The following KIF12 variants were observed in gnomAD, a reference collection of about 807,000 sequenced individuals.
The protein encoded by KIF12 is kinesin family member 12.
Under a neutral mutation model 87.9 loss-of-function variants are expected in KIF12, and 80 were observed. That is an observed-to-expected ratio of 0.91 (90% CI 0.76 to 1.10). The LOEUF (loss-of-function observed/expected upper bound fraction) is 1.10, where lower values mean the gene tolerates loss of function less well. Among genes scored for constraint, KIF12 ranks in the 50% least tolerant of loss-of-function variants. KIF12 has a pLI of 0.00. For missense variants in KIF12, 819 were observed against 865.3 expected, an observed-to-expected ratio of 0.95 and a Z score of 0.67; for synonymous variants, 353 against 348.5, an observed-to-expected ratio of 1.01 and a Z score of -0.14.
At chr9:114,095,619 G>A (rs965746655) in intron 9 of KIF12, among the ~76,000 whole-genome samples, 1 of 152,128 alleles carries the variant, frequency 6.6e-6, no homozygotes, top group African/African-American at 2.4e-5. Context: ...GGAGTTTCGC[G>A]GGCATCTCAC....
chr9:114,098,326 C>G lies in KIF12; in HGVS notation c.275G>C (p.Arg92Pro). The G allele has an allele frequency of 6.8e-7, 1 of 1,470,252 alleles. No homozygotes were observed. The highest frequency in any genetic ancestry group is 2.7e-5 in the Admixed American group (1 of 37,302). 91.1% of individuals were successfully genotyped at this position (1,470,252 alleles called of 1,614,324 possible). Residue 92 changes from arginine (R) to proline (P), a missense_variant, in exon 4 of 19, where the codon CGC becomes CCC. Coordinates refer to ENST00000640217, the MANE Select transcript of KIF12 (RefSeq NM_001388308.1). ...EDVFRACGVR[R>P]LGELALRGFS... ...CCCGCGCAGCGCCAGCTCCCCCAGG[C>G]GCCGCACGCCGCACGCCCGGAACAC...
rs1456903720 is a variant in KIF12 at position 114,099,198 on chromosome 9, C to G, written c.27-29G>C. 7 of 1,550,958 alleles carry G rather than the reference C, an allele frequency of 4.5e-6. No homozygotes were observed. The African/African-American group carries it at 9.6e-5, about 21-fold the overall frequency. The stretch of plus-strand genomic sequence containing the variant: ...TGGGCAGCAATGCGACTTATCATAC[C>G]TGCACCTAGCGGCTGTTCAGGACTC... On this transcript the variant is annotated intron_variant, in intron 1 of 18. Coordinates refer to ENST00000640217, the MANE Select transcript of KIF12 (RefSeq NM_001388308.1).
intron 11 of KIF12, 123 bp from the exon 12 acceptor site, chr9:114,094,578 G>C: frequency 1.6e-6 from 1 of 635,324 alleles, no homozygotes; most frequent in Non-Finnish European, 2.8e-6. Context: ...CGTCAGCCTT[G>C]CATCTTGGCA....
chr9:114,099,123 G>A lies in KIF12; in HGVS notation c.73C>T (p.Pro25Ser), dbSNP rs866722975. The A allele has an allele frequency of 1.3e-6, 2 of 1,550,566 alleles. No homozygotes were observed. The highest frequency in any genetic ancestry group is 1.7e-6 in the Non-Finnish European group (2 of 1,146,972). Reference protein sequence around the residue: ...LEQGPEGPETPIQVVLRVRPM... With the variant: ...LEQGPEGPETSIQVVLRVRPM... ...ACCCACCTGAGCACCACCTGGATGG[G>A]CGTTTCCGGCCCCTCTGGCCCTTGC... Residue 25 changes from proline to serine, a missense_variant, in exon 2 of 19, where the codon CCC (proline) becomes TCC (serine). Coordinates refer to ENST00000640217, the MANE Select transcript of KIF12 (RefSeq NM_001388308.1).
At position 114,091,936 on chromosome 9, in the gene KIF12, G is replaced by A; in HGVS notation, c.1881C>T (p.Ser627=). The part of the protein sequence containing the change: ...LEALRDQIGS[S]LRRGRSQPPC... ...GTGGCTGGCTGCGGCCACGTCGCAG[G>A]GAGCTGCCAATCTGGTCTCTGAGGG... The change falls in exon 19 of 19, where the codon TCC becomes TCT. Residue 627 remains serine (S), a synonymous_variant. Transcript: ENST00000640217. 5 of 1,612,626 alleles carry A rather than the reference G, an allele frequency of 3.1e-6. No homozygotes were observed. The South Asian group carries it at 5.5e-5, about 18-fold the overall frequency.
intron 5 of KIF12, 89 bp from the exon 6 acceptor site, chr9:114,097,830 T>A: frequency 7.1e-7 from 1 of 1,418,302 alleles, no homozygotes; most frequent in Middle Eastern, 2.5e-4. Flanking sequence ...CCGGGAAACG[T>A]GCCAAGTTCC....
Position 114,092,548 on chromosome 9 carries a change from CTT to C in KIF12, c.1689_1690del (p.Arg566GlufsTer4). Reference sequence around the variant, plus strand: ...TGCCCCAGGAGAGACCCACCTCTCTCTTGGGCACTTGGCAGAGCCAGGGCTGC... The same window carrying C: ...TGCCCCAGGAGAGACCCACCTCTCTCGGGCACTTGGCAGAGCCAGGGCTGC... On this transcript the variant is annotated frameshift_variant, in exon 17 of 19. Transcript: ENST00000640217. LOFTEE classifies it high-confidence loss of function. 4 of 1,612,272 alleles carry C rather than the reference CTT, an allele frequency of 2.5e-6. No homozygotes were observed. Among genetic ancestry groups the C allele is most frequent in the Non-Finnish European group, 3.4e-6 (4 of 1,179,680 alleles).
chr9:114,097,582 C>T (rs1471765258), intron 6 of KIF12, 25 bp downstream of exon 6: 1 of 1,613,176 alleles, frequency 6.2e-7, no homozygotes, highest in Non-Finnish European at 8.5e-7. Context: ...CATGGGCTGT[C>T]TTTCTATTCC....
intron 16 of KIF12, 77 bp downstream of exon 16, chr9:114,093,152 G>T: frequency 7.5e-7 from 1 of 1,328,876 alleles, no homozygotes; most frequent in Non-Finnish European, 1.1e-6. Flanking sequence ...AATCCCTGGG[G>T]CTCTGGATTG....
Position 114,095,039 on chromosome 9 carries a change from C to G in KIF12, c.1103G>C (p.Arg368Pro). 1 of 1,599,630 alleles carries G rather than the reference C, an allele frequency of 6.3e-7. No homozygotes were observed. The highest frequency in any genetic ancestry group is 8.5e-7 in the Non-Finnish European group (1 of 1,172,794). Reference sequence around the variant, plus strand: ...TATACTCACCTTGGGGGCCTGTGGTCGGGTGGTGACCCGCTGAGCTCGGCT... The same window carrying G: ...TATACTCACCTTGGGGGCCTGTGGTGGGGTGGTGACCCGCTGAGCTCGGCT... ...YASRAQRVTT[R>P]PQAPKSPVAK... The change falls in exon 11 of 19, where the codon CGA becomes CCA. Residue 368 changes from arginine (R) to proline (P), a missense_variant. By Grantham distance (103) the Arg-to-Pro change is moderately radical. Transcript: ENST00000640217.
intron 7 of KIF12, 133 bp downstream of exon 7, chr9:114,097,168 A>T: frequency 8.3e-7 from 1 of 1,200,004 alleles, no homozygotes; most frequent in Non-Finnish European, 1.1e-6. Context: ...ATTGTGGTTT[A>T]CTGGTCCTTC....
At chr9:114,094,933 G>A in intron 11 of KIF12, 90 bp downstream of exon 11, 2 of 1,170,408 alleles carry the variant, frequency 1.7e-6, no homozygotes, top group Non-Finnish European at 2.4e-6. Context: ...CCCAGTCCAA[G>A]ACTTCAATCA....
chr9:114,097,570 C>T, intron 6 of KIF12, 37 bp downstream of exon 6: 1 of 1,612,328 alleles, frequency 6.2e-7, no homozygotes, highest in South Asian at 1.1e-5. Context: ...GCTCCGTTTC[C>T]TCATGGGCTG....
Position 114,099,241 on chromosome 9 carries a change from A to T in KIF12, c.26+10T>A, listed in dbSNP as rs947950763. 5.2e-6 allele frequency: 8 copies of T among 1,550,900 alleles called. No individual in the cohort carries two copies. The highest frequency in any genetic ancestry group is 1.4e-5 in the African/African-American group (1 of 73,008). ...CAGGACTCCTCGAACCTGTCTGAAG[A>T]TCTGCTTACCCGTCGGGTGACCCGC... On this transcript the variant is annotated intron_variant, in intron 1 of 18. Transcript: ENST00000640217.
rs758491443 is a variant in KIF12 at position 114,096,221 on chromosome 9, G to C, written c.739-14C>G. 1 of 1,613,422 alleles carries C rather than the reference G, an allele frequency of 6.2e-7. No homozygotes were observed. The highest frequency in any genetic ancestry group is 1.3e-5 in the African/African-American group (1 of 75,066). ...CATCTGCTGGGCCTGAGGGATCAGAGCTTCATGGGGACTTGGGAGGGACCG... is the reference window on the plus strand; with the variant it reads ...CATCTGCTGGGCCTGAGGGATCAGACCTTCATGGGGACTTGGGAGGGACCG... On this transcript the variant is annotated splice_polypyrimidine_tract_variant and intron_variant, in intron 8 of 18. Transcript: ENST00000640217.
In KIF12 at chr9:114,093,390, T is replaced by C. The variant is rs754734039; in HGVS notation, c.1491+17A>G. The C allele has an allele frequency of 6.4e-7, 1 of 1,559,540 alleles. No homozygotes were observed. Among genetic ancestry groups the C allele is most frequent in the South Asian group, 1.2e-5 (1 of 84,356 alleles). On this transcript the variant is annotated intron_variant, in intron 15 of 18. Transcript: ENST00000640217. ...ATCCCTACTTGTCACCCCTCCAGGC[T>C]GGGCCGTGAGACTCACATGGCAAGG...
chr9:114,092,151 A>G, intron 18 of KIF12, 151 bp from the exon 19 acceptor site: 1 of 1,440,510 alleles, frequency 6.9e-7, no homozygotes, highest in East Asian at 2.5e-5. Flanking sequence ...GGGCTCCAAC[A>G]TACATCTGGG....
intron 18 of KIF12, 135 bp from the exon 19 acceptor site, chr9:114,092,135 C>T: frequency 2.1e-6 from 2 of 956,316 alleles, no homozygotes; most frequent in Non-Finnish European, 3.0e-6. Flanking sequence ...CACCCCCATA[C>T]ACCATGGGCT....
rs1244281867 is a variant in KIF12 at position 114,094,236 on chromosome 9, G to A, written c.1258C>T (p.Gln420Ter). 1 of 1,613,908 alleles carries A rather than the reference G, an allele frequency of 6.2e-7. No individual in the cohort carries two copies. The highest frequency in any genetic ancestry group is 1.3e-5 in the African/African-American group (1 of 74,922). ...GLSGARVAWA[Q>*]RNLYGMLQEF... ...TGTAGCATCCCGTACAGGTTCCGCT[G>A]GGCCCAGGCCACCCGGGCTCCACTG... Residue 420 changes from glutamine (Q) to a stop codon, truncating the protein, a stop_gained, in exon 13 of 19, where the codon CAG becomes TAG. Coordinates refer to ENST00000640217, the MANE Select transcript of KIF12 (RefSeq NM_001388308.1). LOFTEE classifies it high-confidence loss of function.
Sources: gnomAD v4.1 joint callset for allele counts (sites outside exome capture counted in the v4.1 genomes callset) on GRCh38, gnomAD v4.1.1 for gene constraint, MANE v1.5 for transcripts, NCBI Gene and HGNC (gene_info 2026-07-23, HGNC 2026-07-21) for gene names.